EPB41L4A: variants seen among roughly 807,000 people sequenced by gnomAD.
EPB41L4A encodes erythrocyte membrane protein band 4.1 like 4A.
A neutral mutation model predicts 108.6 loss-of-function variants in EPB41L4A; 100 were observed. That is an observed-to-expected ratio of 0.92 (90% CI 0.78 to 1.09). The LOEUF is 1.09. Among genes scored for constraint, EPB41L4A ranks in the 50% least tolerant of loss-of-function variants. The pLI is 0.00. For missense variants in EPB41L4A, 1,030 were observed against 842.7 expected (o/e 1.22, Z -2.75); for synonymous variants, 319 against 289.0 (o/e 1.10, Z -1.05).
At chr5:112,322,544 G>T (rs1361646687) in intron 1 of EPB41L4A, among the ~76,000 whole-genome samples, 1 of 152,130 alleles carries the variant, frequency 6.6e-6, no homozygotes, top group Admixed American at 6.5e-5. Flanking sequence ...GAAGGCACTG[G>T]GGTTGATGCT....
At chr5:112,275,732 T>C (rs1253881053) in intron 3 of EPB41L4A, among the ~76,000 whole-genome samples, 5 of 129,674 alleles carry the variant, frequency 3.9e-5, no homozygotes, top group Non-Finnish European at 8.5e-5. Context: ...AAAAAATAAA[T>C]GGTTTAAAAA....
At chr5:112,325,514 G>C (rs1021943202) in intron 1 of EPB41L4A, among the ~76,000 whole-genome samples, 3 of 151,496 alleles carry the variant, frequency 2.0e-5, no homozygotes, top group African/African-American at 7.3e-5. Context: ...AAGTACTTTA[G>C]CTATAAAAGC....
chr5:112,219,205 C>T (rs756632693), intron 12 of EPB41L4A, among the ~76,000 whole-genome samples: 3 of 152,308 alleles, frequency 2.0e-5, no homozygotes, highest in Non-Finnish European at 2.9e-5. Flanking sequence ...ATAATCCCCA[C>T]GTCGTCGTGG....
At chr5:112,190,390 G>A (rs574923909) in intron 17 of EPB41L4A, among the ~76,000 whole-genome samples, 8 of 152,086 alleles carry the variant, frequency 5.3e-5, no homozygotes, top group South Asian at 4.2e-4. Context: ...CGCACTTGAC[G>A]CCCACATACA....
chr5:112,222,470 A>G (rs956945828), intron 12 of EPB41L4A, among the ~76,000 whole-genome samples: 7 of 152,238 alleles, frequency 4.6e-5, no homozygotes, highest in African/African-American at 1.4e-4. Context: ...GGTTATACCC[A>G]GTAATGTTAT....
chr5:112,275,976 T>C (rs1290568748), intron 3 of EPB41L4A, among the ~76,000 whole-genome samples: 1 of 152,138 alleles, frequency 6.6e-6, no homozygotes, highest in Non-Finnish European at 1.5e-5. Context: ...TGAAAAAGTA[T>C]CAGTTAATAT....
chr5:112,259,521 T>C (rs1163270885), intron 8 of EPB41L4A, among the ~76,000 whole-genome samples: 1 of 152,168 alleles, frequency 6.6e-6, no homozygotes, highest in Non-Finnish European at 1.5e-5. Context: ...AATCCCTAGA[T>C]TGTGGCAGTG....
At chr5:112,233,683 G>A (rs951151149) in intron 12 of EPB41L4A, among the ~76,000 whole-genome samples, 6 of 152,074 alleles carry the variant, frequency 3.9e-5, no homozygotes. Context: ...GAGTAGCTAG[G>A]ACGACAGCCT....
In EPB41L4A at chr5:112,163,262, G is replaced by A. The variant is rs1462814191; in HGVS notation, c.*1728C>T. The A allele has an allele frequency of 2.0e-5, 3 of 152,070 alleles. No individual in the cohort carries two copies. The highest frequency in any genetic ancestry group is 7.3e-5 in the African/African-American group (3 of 41,320). 9.4% of individuals were successfully genotyped at this position (152,070 alleles called of 1,614,324 possible). The stretch of plus-strand genomic sequence containing the variant: ...TCCATAACTGCTAGGTGTCCAGCTT[G>A]CACACTGATGAGCATAATGACCCTA... On this transcript the variant is annotated 3_prime_UTR_variant, in exon 23 of 23. Transcript: ENST00000261486.
At chr5:112,339,435 T>C (rs1046397088) in intron 1 of EPB41L4A, among the ~76,000 whole-genome samples, 4 of 147,594 alleles carry the variant, frequency 2.7e-5, no homozygotes, top group Admixed American at 2.0e-4. Context: ...AATAAATATA[T>C]TTAAACAAGG....
chr5:112,417,526 C>A (rs1030598925), intron 1 of EPB41L4A, among the ~76,000 whole-genome samples: 1 of 152,096 alleles, frequency 6.6e-6, no homozygotes, highest in African/African-American at 2.4e-5. Context: ...ATACAGTACA[C>A]CAAAGAATGT....
intron 1 of EPB41L4A, among the ~76,000 whole-genome samples, chr5:112,353,767 C>T (rs1758202364): frequency 6.6e-6 from 1 of 152,154 alleles, no homozygotes; most frequent in South Asian, 2.1e-4. Flanking sequence ...AAACAGCACA[C>T]TTGGGTGCTA....
intron 1 of EPB41L4A, among the ~76,000 whole-genome samples, chr5:112,372,949 T>C (rs1258205834): frequency 6.6e-6 from 1 of 152,180 alleles, no homozygotes; most frequent in Non-Finnish European, 1.5e-5. Context: ...CAGCTCTCAA[T>C]TACTTAACCC....
intron 1 of EPB41L4A, among the ~76,000 whole-genome samples, chr5:112,408,900 A>G (rs1359704239): frequency 6.6e-6 from 1 of 151,984 alleles, no homozygotes; most frequent in African/African-American, 2.4e-5. Context: ...TCATGGTGGA[A>G]AACAGTTTGG....
At chr5:112,380,830 A>AG in intron 1 of EPB41L4A, among the ~76,000 whole-genome samples, 1 of 139,802 alleles carries the variant, frequency 7.2e-6, no homozygotes, top group South Asian at 2.3e-4. Context: ...CACACACACA[A>AG]TTCAGCCAAG....
intron 6 of EPB41L4A, 82 bp from the exon 7 acceptor site, chr5:112,262,663 C>A: frequency 9.0e-7 from 1 of 1,115,638 alleles, no homozygotes; most frequent in Non-Finnish European, 1.3e-6. Flanking sequence ...TCATTGTATT[C>A]AATGGGAAAA....
chr5:112,391,842 A>G (rs1760965585), intron 1 of EPB41L4A, among the ~76,000 whole-genome samples: 1 of 152,200 alleles, frequency 6.6e-6, no homozygotes, highest in South Asian at 2.1e-4. Flanking sequence ...AGGTCGGGTT[A>G]CCCACAAAGG....
At chr5:112,281,285 G>A (rs1350755313) in intron 2 of EPB41L4A, among the ~76,000 whole-genome samples, 2 of 152,188 alleles carry the variant, frequency 1.3e-5, no homozygotes, top group East Asian at 1.9e-4. Flanking sequence ...TCAAGTGGTG[G>A]CAGGAGAATT....
chr5:112,372,548 A>G (rs1270960312), intron 1 of EPB41L4A, among the ~76,000 whole-genome samples: 2 of 152,246 alleles, frequency 1.3e-5, no homozygotes, highest in Non-Finnish European at 2.9e-5. Flanking sequence ...ACACAGGTAC[A>G]AAGACCTGAA....
Sources: allele counts gnomAD v4.1 joint callset (sites outside exome capture counted in the v4.1 genomes callset), GRCh38; gene constraint gnomAD v4.1.1; transcripts MANE v1.5; gene names NCBI Gene and HGNC (gene_info 2026-07-23, HGNC 2026-07-21).